Variants in NAV3 observed in about 807,000 individuals in gnomAD.
The protein encoded by NAV3 is neuron navigator 3.
A neutral mutation model predicts 244.7 loss-of-function variants in NAV3; 87 were observed. That is an observed-to-expected ratio of 0.36 (90% confidence interval 0.30 to 0.42). NAV3 has a LOEUF of 0.42. NAV3 is among the 20% of genes least tolerant of loss of function. The pLI, the probability that NAV3 is intolerant of heterozygous loss-of-function variation, is 1.00. For missense variants in NAV3, 2,663 were observed against 2,893.3 expected, an observed-to-expected ratio of 0.92 and a Z score of 1.83; for synonymous variants, 1,126 against 1,042.2, an observed-to-expected ratio of 1.08 and a Z score of -1.55.
At chr12:77,665,302 C>G (rs1873667077) in intron 2 of NAV3, among the ~76,000 whole-genome samples, 1 of 152,180 alleles carries the variant, frequency 6.6e-6, no homozygotes, top group African/African-American at 2.4e-5. Context: ...AAACCCAATT[C>G]TAATACTTCC....
intron 2 of NAV3, among the ~76,000 whole-genome samples, chr12:77,659,561 A>G (rs1327590838): frequency 6.6e-6 from 1 of 152,194 alleles, no homozygotes; most frequent in Non-Finnish European, 1.5e-5. Flanking sequence ...GCGATTCCTC[A>G]GGGATCTAGA....
At chr12:77,962,345 C>T (rs1470675484) in intron 3 of NAV3, among the ~76,000 whole-genome samples, 1 of 152,150 alleles carries the variant, frequency 6.6e-6, no homozygotes, top group African/African-American at 2.4e-5. Context: ...GCCTACGAAC[C>T]ATCTACTTTT....
In NAV3 at chr12:77,737,166, T is replaced by C. The variant is rs145611164; in HGVS notation, c.72+164900T>C. On this transcript the variant is annotated intron_variant, in intron 2 of 8. Coordinates refer to the NAV3 transcript ENST00000550042. ...AATCTATTAAAGTTGATGTTTCTGT[T>C]GGTGTTCAGGTAGAACTATGTAGGA... Among the ~76,000 whole-genome samples the C allele has an allele frequency of 6.4e-3, 964 of 150,120 alleles. 7 individuals are homozygous for C. Among genetic ancestry groups the C allele is most frequent in the Middle Eastern group, 0.024 (7 of 292 alleles).
intron 24 of NAV3, among the ~76,000 whole-genome samples, chr12:78,170,591 TTCA>T (rs1957960328): frequency 6.6e-6 from 1 of 151,754 alleles, no homozygotes; most frequent in Non-Finnish European, 1.5e-5. Flanking sequence ...ATAATCTCTC[TTCA>T]CCAGCTTCAT....
chr12:77,910,324 G>A (rs763366034), intron 1 of NAV3, among the ~76,000 whole-genome samples: 2 of 151,914 alleles, frequency 1.3e-5, no homozygotes, highest in Non-Finnish European at 2.9e-5. Context: ...AGAGAGGGGA[G>A]GAGGTGTCAG....
At chr12:77,929,222 C>A (rs1468208327) in intron 1 of NAV3, among the ~76,000 whole-genome samples, 1 of 152,136 alleles carries the variant, frequency 6.6e-6, no homozygotes, top group African/African-American at 2.4e-5. Context: ...GACTTGTATT[C>A]TTTGCAACTA....
At chr12:77,686,394 G>A (rs1874746538) in intron 2 of NAV3, among the ~76,000 whole-genome samples, 1 of 147,156 alleles carries the variant, frequency 6.8e-6, no homozygotes, top group African/African-American at 2.6e-5. Flanking sequence ...TGCCCCACCG[G>A]ATTTTTTCTT....
chr12:78,082,035 G>A (rs1009235492), intron 12 of NAV3, among the ~76,000 whole-genome samples: 2 of 152,120 alleles, frequency 1.3e-5, no homozygotes, highest in Non-Finnish European at 2.9e-5. Flanking sequence ...ATTGAATCAT[G>A]GGGACAGGGC....
intron 2 of NAV3, among the ~76,000 whole-genome samples, chr12:77,758,574 A>T (rs1278501543): frequency 6.6e-6 from 1 of 152,184 alleles, no homozygotes; most frequent in Non-Finnish European, 1.5e-5. Flanking sequence ...TACTTTTATT[A>T]CCCAAGTAAC....
chr12:77,704,616 C>A (rs1246674196), intron 2 of NAV3, among the ~76,000 whole-genome samples: 1 of 151,888 alleles, frequency 6.6e-6, no homozygotes, highest in Non-Finnish European at 1.5e-5. Flanking sequence ...TTCCATAGTC[C>A]TTAATTGCTA....
rs577796332 is a variant in NAV3 at position 78,132,318 on chromosome 12, T to A, written c.4441+3452T>A. ...AAAACCACTGATCAAATACATCCCT[T>A]ACATTTCATTGCTATAGAAACCAAG... is the stretch of plus-strand genomic sequence containing the variant. On this transcript the variant is annotated intron_variant, in intron 18 of 39. Transcript: ENST00000397909. Among the ~76,000 whole-genome samples, 21 of 152,290 alleles carry A rather than the reference T, an allele frequency of 1.4e-4. No individual in the cohort carries two copies. The South Asian group carries it at 4.4e-3, about 32-fold the overall frequency.
intron 24 of NAV3, among the ~76,000 whole-genome samples, chr12:78,171,827 T>C (rs1017870150): frequency 6.6e-6 from 1 of 151,584 alleles, no homozygotes; most frequent in Non-Finnish European, 1.5e-5. Flanking sequence ...TTAAAAGATA[T>C]ATTTGGAATG....
chr12:77,873,250 T>G (rs1881256116), intron 1 of NAV3, among the ~76,000 whole-genome samples: 1 of 152,224 alleles, frequency 6.6e-6, no homozygotes, highest in South Asian at 2.1e-4. Flanking sequence ...TTCATAGCAG[T>G]ATGAAAATGG....
chr12:77,730,769 T>C (rs1877086162), intron 2 of NAV3, among the ~76,000 whole-genome samples: 1 of 150,880 alleles, frequency 6.6e-6, no homozygotes, highest in Non-Finnish European at 1.5e-5. Context: ...AGTGCTTTTT[T>C]CTTTTTTTTT....
chr12:77,820,060 C>G (rs1381749316), intron 2 of NAV3, among the ~76,000 whole-genome samples: 2 of 150,460 alleles, frequency 1.3e-5, no homozygotes, highest in Non-Finnish European at 3.0e-5. Context: ...ACAGTGAGGT[C>G]AGTAGAGAAT....
At chr12:77,697,161 A>G (rs1405889) in intron 2 of NAV3, among the ~76,000 whole-genome samples, 4,120 of 152,148 alleles carry the variant, frequency 0.027, 183 homozygotes, top group African/African-American at 0.093. Flanking sequence ...CAGCCCTGTT[A>G]CTTTCCAGTC....
At chr12:78,174,090 T>G (rs920800453) in intron 24 of NAV3, among the ~76,000 whole-genome samples, 5 of 151,854 alleles carry the variant, frequency 3.3e-5, no homozygotes, top group Middle Eastern at 3.4e-3. Flanking sequence ...ACTGAGATTT[T>G]TTTGCTTGAC....
At chr12:77,719,285 T>A (rs1479985235) in intron 2 of NAV3, among the ~76,000 whole-genome samples, 2 of 152,160 alleles carry the variant, frequency 1.3e-5, no homozygotes, top group Non-Finnish European at 2.9e-5. Context: ...CCTTTATGAC[T>A]TGGATGCCTT....
chr12:77,726,575 A>G (rs1876887919), intron 2 of NAV3, among the ~76,000 whole-genome samples: 1 of 151,798 alleles, frequency 6.6e-6, no homozygotes, highest in African/African-American at 2.4e-5. Flanking sequence ...GAAAGAATGA[A>G]AAAAAATGGA....
Sources: gnomAD v4.1 joint callset for allele counts (sites outside exome capture counted in the v4.1 genomes callset) on GRCh38, gnomAD v4.1.1 for gene constraint, MANE v1.5 for transcripts, NCBI Gene and HGNC (gene_info 2026-07-23, HGNC 2026-07-21) for gene names.